CSMD1: variants seen among roughly 807,000 people sequenced by gnomAD.
The protein encoded by CSMD1 is CUB and sushi domain-containing protein 1.
CSMD1 carries 213 observed loss-of-function variants against 417.5 expected under a neutral mutation model. The observed-to-expected ratio is 0.51, with a 90% CI of 0.46 to 0.57. The LOEUF is 0.57. Ranked by LOEUF, CSMD1 falls within the 20% of genes least tolerant of loss-of-function variation. CSMD1 has a pLI of 0.00. For missense variants in CSMD1, 6,923 were observed against 4,529.7 expected (o/e 1.53, Z -15.17); for synonymous variants, 2,862 against 1,736.8 (o/e 1.65, Z -16.11).
At chr8:4,614,144 GATAATA>G (rs148907622) in intron 2 of CSMD1, among the ~76,000 whole-genome samples, 2 of 151,860 alleles carry the variant, frequency 1.3e-5, no homozygotes, top group Admixed American at 6.6e-5. Flanking sequence ...TTTAAGTTCT[GATAATA>G]ATAATAATAA....
intron 5 of CSMD1, among the ~76,000 whole-genome samples, chr8:3,830,047 T>A (rs1022130175): frequency 1.3e-5 from 2 of 152,168 alleles, no homozygotes; most frequent in Non-Finnish European, 2.9e-5. Flanking sequence ...TCTAATAACT[T>A]TTTGGGCTGA....
At chr8:4,322,362 G>T (rs1284578920) in intron 3 of CSMD1, among the ~76,000 whole-genome samples, 1 of 152,102 alleles carries the variant, frequency 6.6e-6, no homozygotes, top group East Asian at 1.9e-4. Flanking sequence ...AGAGTTTAAA[G>T]TGGAATTAGA....
chr8:4,883,144 G>T (rs959577353), intron 1 of CSMD1, among the ~76,000 whole-genome samples: 6 of 151,980 alleles, frequency 3.9e-5, no homozygotes, highest in Non-Finnish European at 7.4e-5. Flanking sequence ...ATTCAATATC[G>T]CAATGGGGCA....
intron 1 of CSMD1, among the ~76,000 whole-genome samples, chr8:4,704,390 G>A (rs773324934): frequency 6.6e-5 from 10 of 152,188 alleles, no homozygotes; most frequent in African/African-American, 2.2e-4. Context: ...AATCTCAGTT[G>A]TTTATTTACT....
intron 50 of CSMD1, among the ~76,000 whole-genome samples, chr8:3,046,532 T>C (rs958219295): frequency 1.3e-5 from 2 of 152,158 alleles, no homozygotes; most frequent in Non-Finnish European, 2.9e-5. Context: ...CCACGGATCA[T>C]GAAACCAGGT....
intron 5 of CSMD1, among the ~76,000 whole-genome samples, chr8:3,876,211 C>G (rs1351850054): frequency 6.6e-6 from 1 of 152,068 alleles, no homozygotes; most frequent in African/African-American, 2.4e-5. Flanking sequence ...GGGAAAACTC[C>G]TCTCACCCCT....
intron 5 of CSMD1, among the ~76,000 whole-genome samples, chr8:3,793,569 C>A (rs1377493445): frequency 6.6e-6 from 1 of 151,870 alleles, no homozygotes; most frequent in Admixed American, 6.6e-5. Flanking sequence ...CCAAAGCCTG[C>A]CACCCTGTAC....
chr8:4,852,033 A>G (rs1170035250), intron 1 of CSMD1, among the ~76,000 whole-genome samples: 1 of 151,986 alleles, frequency 6.6e-6, no homozygotes. Context: ...AACCTGTAAT[A>G]CCTCCTCAGC....
chr8:4,132,020 T>C lies in CSMD1; in HGVS notation c.416-99921A>G, dbSNP rs149447203. Among the ~76,000 whole-genome samples the C allele has an allele frequency of 7.6e-3, 1,164 of 152,196 alleles. 6 individuals are homozygous for C. The highest frequency in any genetic ancestry group is 0.012 in the Non-Finnish European group (817 of 68,006). On this transcript the variant is annotated intron_variant, in intron 3 of 69. Transcript: ENST00000635120. ...ACCTCGTGATCCCTGTGACTATTTC[T>C]ATCAGAATCCCTTCTTGATGGCATA...
At chr8:4,850,382 C>T (rs7006766) in intron 1 of CSMD1, among the ~76,000 whole-genome samples, 6,927 of 77,648 alleles carry the variant, frequency 0.089, 223 homozygotes, top group African/African-American at 0.13. Context: ...TCCAATTTAT[C>T]TTTTTTTTTT....
intron 12 of CSMD1, among the ~76,000 whole-genome samples, chr8:3,424,772 C>A (rs1395505833): frequency 6.6e-6 from 1 of 152,190 alleles, no homozygotes; most frequent in Non-Finnish European, 1.5e-5. Context: ...GTTCAAGGAA[C>A]CCTTATTTGA....
chr8:3,156,652 T>C (rs1336638945), intron 39 of CSMD1, among the ~76,000 whole-genome samples: 1 of 152,090 alleles, frequency 6.6e-6, no homozygotes, highest in East Asian at 1.9e-4. Flanking sequence ...AATATTTTAA[T>C]GCAATATTTG....
intron 1 of CSMD1, among the ~76,000 whole-genome samples, chr8:4,851,888 G>C (rs1801501339): frequency 6.6e-6 from 1 of 152,142 alleles, no homozygotes; most frequent in Non-Finnish European, 1.5e-5. Context: ...ACACCCCATA[G>C]AGAAAATTTA....
chr8:4,566,255 T>C (rs1255595204), intron 2 of CSMD1, among the ~76,000 whole-genome samples: 1 of 152,074 alleles, frequency 6.6e-6, no homozygotes, highest in Non-Finnish European at 1.5e-5. Context: ...ACTAAAACAC[T>C]GGTACCTGGC....
intron 3 of CSMD1, among the ~76,000 whole-genome samples, chr8:4,208,312 A>G (rs187909158): frequency 5.2e-4 from 79 of 152,312 alleles, no homozygotes; most frequent in Non-Finnish European, 6.2e-4. Flanking sequence ...AGACTGGAGA[A>G]GAAATAAAAG....
intron 15 of CSMD1, among the ~76,000 whole-genome samples, chr8:3,402,761 TAAC>T (rs969014836): frequency 1.1e-4 from 16 of 152,232 alleles, no homozygotes; most frequent in Non-Finnish European, 1.9e-4. Context: ...TTATTGATAT[TAAC>T]AACTCACTCT....
intron 5 of CSMD1, among the ~76,000 whole-genome samples, chr8:3,910,910 T>C (rs1470415134): frequency 6.6e-6 from 1 of 152,196 alleles, no homozygotes; most frequent in East Asian, 1.9e-4. Context: ...CTACACAGTA[T>C]CTACACAGAA....
chr8:3,214,151 A>G (rs1287285919), intron 30 of CSMD1, among the ~76,000 whole-genome samples: 1 of 152,070 alleles, frequency 6.6e-6, no homozygotes, highest in Admixed American at 6.6e-5. Context: ...GCTAGAAGTA[A>G]GTATTTTATA....
intron 3 of CSMD1, among the ~76,000 whole-genome samples, chr8:4,056,859 A>G (rs563029470): frequency 4.4e-4 from 67 of 152,338 alleles, no homozygotes; most frequent in African/African-American, 1.6e-3. Context: ...TACAAAGGAC[A>G]TGAAGTCATC....
Sources: allele counts gnomAD v4.1 joint callset (sites outside exome capture counted in the v4.1 genomes callset), GRCh38; gene constraint gnomAD v4.1.1; transcripts MANE v1.5; gene names NCBI Gene and HGNC (gene_info 2026-07-23, HGNC 2026-07-21).